TNS3: variants seen among roughly 807,000 people sequenced by gnomAD.
The protein encoded by TNS3 is tensin-3.
A neutral mutation model predicts 140.9 loss-of-function variants in TNS3; 45 were observed. That is an observed-to-expected ratio of 0.32 (90% CI 0.25 to 0.41). The LOEUF (loss-of-function observed/expected upper bound fraction) is 0.41. Among genes scored for constraint, TNS3 ranks in the 10% least tolerant of loss-of-function variants. The pLI is 1.00. For missense variants in TNS3, 1,716 were observed against 1,906.7 expected, an observed-to-expected ratio of 0.90 and a Z score of 1.86; for synonymous variants, 815 against 788.4, an observed-to-expected ratio of 1.03 and a Z score of -0.56.
chr7:47,293,561 A>G (rs560270856), intron 25 of TNS3, among the ~76,000 whole-genome samples, 172 bp downstream of exon 25: 134 of 152,328 alleles, frequency 8.8e-4, no homozygotes, highest in African/African-American at 3.0e-3. Flanking sequence ...AACAACTTCA[A>G]ATCTAGTTTA....
At chr7:47,287,020 A>G (rs1392870577) in intron 27 of TNS3, among the ~76,000 whole-genome samples, 1 of 152,142 alleles carries the variant, frequency 6.6e-6, no homozygotes, top group Non-Finnish European at 1.5e-5. Flanking sequence ...CAGGGGCTGC[A>G]TAGGGGCAAC....
chr7:47,457,030 C>G (rs188008444), intron 4 of TNS3, among the ~76,000 whole-genome samples: 1 of 148,170 alleles, frequency 6.7e-6, no homozygotes, highest in East Asian at 2.0e-4. Flanking sequence ...ATGATAATCT[C>G]TCTTTATAAA....
intron 4 of TNS3, among the ~76,000 whole-genome samples, chr7:47,467,678 GC>G (rs1339976041): frequency 6.6e-6 from 1 of 152,148 alleles, no homozygotes; most frequent in Non-Finnish European, 1.5e-5. Context: ...TGAGGAAACC[GC>G]CATGGTACCT....
At chr7:47,307,484 A>G (rs547377846) in intron 20 of TNS3, among the ~76,000 whole-genome samples, 15 of 152,302 alleles carry the variant, frequency 9.8e-5, no homozygotes, top group African/African-American at 3.6e-4. Context: ...TTGGGTGAAT[A>G]CCTAGGGATG....
rs1340191122 is a variant in TNS3, at chr7:47,278,009, C to A, written c.*67G>T. ...AGTTTGGTAAAAAGTGGGGGCCCCA[C>A]CCTCACCCAACGGCTGTCTCCAGGG... On this transcript the variant is annotated 3_prime_UTR_variant, in exon 31 of 31. Coordinates refer to ENST00000311160, the MANE Select transcript of TNS3 (RefSeq NM_022748.12). 1.2e-6 allele frequency: 2 copies of A among 1,608,552 alleles called. No individual in the cohort carries two copies. The highest frequency in any genetic ancestry group is 3.3e-5 in the Admixed American group (2 of 59,724).
chr7:47,395,509 T>A (rs964129912), intron 16 of TNS3, among the ~76,000 whole-genome samples: 7 of 152,252 alleles, frequency 4.6e-5, no homozygotes, highest in Non-Finnish European at 8.8e-5. Flanking sequence ...GTTTGATAAC[T>A]GTTGTTTGAT....
At chr7:47,452,340 C>A (rs1202530268) in intron 4 of TNS3, among the ~76,000 whole-genome samples, 1 of 152,170 alleles carries the variant, frequency 6.6e-6, no homozygotes, top group Admixed American at 6.5e-5. Flanking sequence ...ATACCAGGAA[C>A]CAATTAATTG....
At chr7:47,517,361 T>C (rs927786451) in intron 2 of TNS3, among the ~76,000 whole-genome samples, 3 of 152,012 alleles carry the variant, frequency 2.0e-5, no homozygotes, top group East Asian at 3.9e-4. Context: ...AGGAAAGGTG[T>C]CATTACCAAT....
chr7:47,365,872 T>G (rs1790670406), intron 17 of TNS3, among the ~76,000 whole-genome samples: 1 of 152,212 alleles, frequency 6.6e-6, no homozygotes, highest in African/African-American at 2.4e-5. Flanking sequence ...TTATAACTGT[T>G]TCTTTGCAGC....
chr7:47,580,993 T>C (rs1367097350), intron 1 of TNS3, among the ~76,000 whole-genome samples: 1 of 152,140 alleles, frequency 6.6e-6, no homozygotes, highest in Non-Finnish European at 1.5e-5. Flanking sequence ...CCTGGGGGCT[T>C]CCCAGGGGGT....
At position 47,515,372 on chromosome 7, in the gene TNS3, C is replaced by A. The variant is rs1422407933; in HGVS notation, c.-152-8428G>T. Among the ~76,000 whole-genome samples, 2 of 152,086 alleles carry A rather than the reference C, an allele frequency of 1.3e-5. 1 individual carries two copies. Among genetic ancestry groups the A allele is most frequent in the South Asian group, 4.2e-4 (2 of 4,814 alleles). ...TCAGCATCATCATCACAATCGTTACCATTGCCATTGTTACTATCACCATCA... is the reference window on the plus strand; with the variant it reads ...TCAGCATCATCATCACAATCGTTACAATTGCCATTGTTACTATCACCATCA... On this transcript the variant is annotated intron_variant, in intron 2 of 30. Transcript: ENST00000311160.
chr7:47,424,465 A>G (rs1794545401), intron 9 of TNS3, among the ~76,000 whole-genome samples: 1 of 152,242 alleles, frequency 6.6e-6, no homozygotes, highest in South Asian at 2.1e-4. Context: ...AGAGTGCTGA[A>G]TACCCAGCTT....
chr7:47,569,323 A>G (rs1800498954), intron 1 of TNS3, among the ~76,000 whole-genome samples: 1 of 152,114 alleles, frequency 6.6e-6, no homozygotes, highest in South Asian at 2.1e-4. Flanking sequence ...AGGGTGGATC[A>G]CCTGGGGTCA....
chr7:47,453,234 C>T (rs1011608529), intron 4 of TNS3: 6 of 985,176 alleles, frequency 6.1e-6, no homozygotes, highest in East Asian at 1.1e-4. Flanking sequence ...GCCAGCCTGC[C>T]GAGGGCCAGC....
At chr7:47,356,634 T>C (rs1790008332) in intron 17 of TNS3, among the ~76,000 whole-genome samples, 1 of 152,228 alleles carries the variant, frequency 6.6e-6, no homozygotes, top group Non-Finnish European at 1.5e-5. Context: ...AGACCTTAGG[T>C]GCTCTTACAC....
chr7:47,377,396 G>A (rs112847279), intron 16 of TNS3, among the ~76,000 whole-genome samples: 2,671 of 152,270 alleles, frequency 0.018, 80 homozygotes, highest in African/African-American at 0.06. Flanking sequence ...ACATTCTGGG[G>A]TGGAGACACT....
In TNS3 at chr7:47,432,858, T is replaced by C. The variant is rs375195548; in HGVS notation, c.324+2424A>G. On this transcript the variant is annotated intron_variant, in intron 8 of 30. Coordinates refer to ENST00000311160, the MANE Select transcript of TNS3 (RefSeq NM_022748.12). ...AACACAAGAGGGCACGATAGGCTCATGGACTGTTACGTTTTAGTGCAAGCT... is the reference window on the plus strand; with the variant it reads ...AACACAAGAGGGCACGATAGGCTCACGGACTGTTACGTTTTAGTGCAAGCT... Among the ~76,000 whole-genome samples, 54 of 152,336 alleles carry C rather than the reference T, an allele frequency of 3.5e-4. No homozygotes were observed. The South Asian group carries it at 9.7e-3, about 27-fold the overall frequency.
intron 10 of TNS3, 152 bp from the exon 11 acceptor site, chr7:47,415,358 G>A (rs998073236): frequency 5.2e-6 from 3 of 579,118 alleles, no homozygotes; most frequent in African/African-American, 3.9e-5. Context: ...GCATGGTGCT[G>A]CGCTTACAGG....
chr7:47,316,427 G>A (rs755502178), intron 20 of TNS3, among the ~76,000 whole-genome samples: 14 of 152,030 alleles, frequency 9.2e-5, no homozygotes, highest in Non-Finnish European at 2.1e-4. Flanking sequence ...CTTCAATTGG[G>A]ATCAGATTAG....
Sources: gnomAD v4.1 joint callset for allele counts (sites outside exome capture counted in the v4.1 genomes callset) on GRCh38, gnomAD v4.1.1 for gene constraint, MANE v1.5 for transcripts, NCBI Gene and HGNC (gene_info 2026-07-23, HGNC 2026-07-21) for gene names.